The following GTF2F2 variants were observed in gnomAD, a reference collection of about 807,000 sequenced individuals.
GTF2F2 encodes the protein general transcription factor IIF subunit 2.
In GTF2F2, 23 loss-of-function variants were observed where a neutral mutation model predicts 42.2. The observed-to-expected ratio is 0.55, with a 90% confidence interval of 0.39 to 0.77. The LOEUF is 0.77. Among genes scored for constraint, GTF2F2 ranks in the 30% least tolerant of loss-of-function variants. The pLI, the probability that GTF2F2 is intolerant of heterozygous loss-of-function variation, is 0.00. For synonymous variants in GTF2F2, 105 were observed against 100.8 expected (o/e 1.04, Z -0.25); for missense variants, 261 against 287.2 (o/e 0.91, Z 0.66).
intron 7 of GTF2F2, among the ~76,000 whole-genome samples, chr13:45,279,911 T>TCCCCCCCC (rs1234830783): frequency 6.8e-6 from 1 of 146,424 alleles, no homozygotes; most frequent in African/African-American, 2.5e-5. Flanking sequence ...GTTCCCACCG[T>TCCCCCCCC]CCCCCCGCCC....
intron 5 of GTF2F2, among the ~76,000 whole-genome samples, chr13:45,220,620 C>G (rs1230455130): frequency 6.6e-6 from 1 of 152,100 alleles, no homozygotes; most frequent in African/African-American, 2.4e-5. Context: ...TAGCAGTGTT[C>G]TGGGAAACTT....
chr13:45,151,406 G>C (rs1870485441), intron 3 of GTF2F2, among the ~76,000 whole-genome samples: 1 of 151,956 alleles, frequency 6.6e-6, no homozygotes, highest in East Asian at 1.9e-4. Flanking sequence ...TGTTGCCAAG[G>C]TTGGAGTGCA....
chr13:45,256,801 A>C (rs1052243111), intron 6 of GTF2F2, among the ~76,000 whole-genome samples: 21 of 152,172 alleles, frequency 1.4e-4, no homozygotes, highest in African/African-American at 4.8e-4. Context: ...TTTAATAAAA[A>C]ATTTTAACTC....
In GTF2F2 at chr13:45,138,321, C is replaced by A. The variant is rs544032529; in HGVS notation, c.140+1515C>A. ...TACAGTTCAGGATGCTTCTGCCCTC[C>A]GTGGAGGCACCGTGCTCAGGAAGGT... On this transcript the variant is annotated intron_variant, in intron 2 of 7. Transcript: ENST00000340473. Among the ~76,000 whole-genome samples, 8 of 152,296 alleles carry A rather than the reference C, an allele frequency of 5.3e-5. No homozygotes were observed. The South Asian group carries it at 1.2e-3, about 24-fold the overall frequency.
At chr13:45,251,957 T>G (rs1875894940) in intron 5 of GTF2F2, among the ~76,000 whole-genome samples, 1 of 152,206 alleles carries the variant, frequency 6.6e-6, no homozygotes, top group East Asian at 1.9e-4. Context: ...AAACAGTTTT[T>G]TAAATTTACT....
chr13:45,136,665 A>G (rs1348513253), intron 1 of GTF2F2, 68 bp from the exon 2 acceptor site: 8 of 817,970 alleles, frequency 9.8e-6, no homozygotes, highest in East Asian at 7.5e-5. Flanking sequence ...TAGAAGCAAT[A>G]TATCATTTTA....
At chr13:45,130,238 A>G (rs535832417) in intron 1 of GTF2F2, among the ~76,000 whole-genome samples, 5 of 152,194 alleles carry the variant, frequency 3.3e-5, no homozygotes, top group Non-Finnish European at 5.9e-5. Context: ...ACCGCTAGTG[A>G]TTGTGAGACT....
intron 4 of GTF2F2, among the ~76,000 whole-genome samples, chr13:45,168,066 T>C (rs1871387919): frequency 6.6e-6 from 1 of 152,240 alleles, no homozygotes; most frequent in African/African-American, 2.4e-5. Flanking sequence ...CAGACTTTTC[T>C]TGAGAGAAAG....
At chr13:45,173,784 AT>A (rs1871724211) in intron 4 of GTF2F2, among the ~76,000 whole-genome samples, 1 of 150,950 alleles carries the variant, frequency 6.6e-6, no homozygotes, top group Admixed American at 6.6e-5. Context: ...CGCCCAGCTA[AT>A]TTTTTGTATT....
At chr13:45,158,895 AGT>A (rs1195708981) in intron 4 of GTF2F2, among the ~76,000 whole-genome samples, 2 of 152,246 alleles carry the variant, frequency 1.3e-5, no homozygotes, top group Non-Finnish European at 2.9e-5. Context: ...ATGGTTTTCA[AGT>A]GAGATAGCTT....
At chr13:45,123,140 T>C (rs1868751856) in intron 1 of GTF2F2, 1 of 152,048 alleles carries the variant, frequency 6.6e-6, no homozygotes, top group Non-Finnish European at 1.5e-5. Context: ...CATTGATTAC[T>C]AGGGTTGATT....
At chr13:45,184,395 C>T (rs6561209) in intron 4 of GTF2F2, among the ~76,000 whole-genome samples, 31,139 of 142,438 alleles carry the variant, frequency 0.22, 3,486 homozygotes, top group African/African-American at 0.27. Flanking sequence ...TTCCCCCCCG[C>T]CCTTTTTTTT....
chr13:45,140,529 A>G (rs1869873795), intron 2 of GTF2F2, among the ~76,000 whole-genome samples: 1 of 152,208 alleles, frequency 6.6e-6, no homozygotes, highest in Non-Finnish European at 1.5e-5. Context: ...CAGGGCTTTT[A>G]TATGAATCCA....
chr13:45,180,767 A>G (rs182478824), intron 4 of GTF2F2, among the ~76,000 whole-genome samples: 6 of 152,042 alleles, frequency 3.9e-5, no homozygotes, highest in African/African-American at 1.4e-4. Flanking sequence ...AGAAGGGTGT[A>G]GTGACTTGAA....
chr13:45,264,392 C>T (rs372736741), intron 6 of GTF2F2, among the ~76,000 whole-genome samples: 4 of 151,984 alleles, frequency 2.6e-5, no homozygotes, highest in African/African-American at 9.7e-5. Context: ...AGCGATTCTG[C>T]TGCCTCAGCC....
chr13:45,148,560 G>T (rs1870320250), intron 2 of GTF2F2, among the ~76,000 whole-genome samples: 2 of 151,976 alleles, frequency 1.3e-5, no homozygotes, highest in African/African-American at 2.4e-5. Context: ...GTCTTTGTTG[G>T]GTCATTCCTT....
chr13:45,131,805 T>C (rs1463386539), intron 1 of GTF2F2, among the ~76,000 whole-genome samples: 1 of 146,606 alleles, frequency 6.8e-6, no homozygotes, highest in East Asian at 2.0e-4. Context: ...CTTGGGAGGC[T>C]GAGGTGGGAG....
chr13:45,153,694 T>A (rs1037787010), intron 4 of GTF2F2, among the ~76,000 whole-genome samples: 2 of 152,040 alleles, frequency 1.3e-5, no homozygotes, highest in East Asian at 3.9e-4. Flanking sequence ...AGTTTTAGGT[T>A]TGGCCGGGCA....
intron 7 of GTF2F2, among the ~76,000 whole-genome samples, chr13:45,274,228 A>G (rs1876924549): frequency 6.6e-6 from 1 of 152,142 alleles, no homozygotes; most frequent in Admixed American, 6.5e-5. Flanking sequence ...AGATAATTGG[A>G]TAATAAAAAT....
Sources: allele counts gnomAD v4.1 joint callset (sites outside exome capture counted in the v4.1 genomes callset), GRCh38; gene constraint gnomAD v4.1.1; transcripts MANE v1.5; gene names NCBI Gene and HGNC (gene_info 2026-07-23, HGNC 2026-07-21).